The following TMEM243 variants were observed in gnomAD, a reference collection of about 807,000 sequenced individuals.
The protein encoded by TMEM243 is MDR1 and mitochondrial taxol resistance associated.
In TMEM243, 20 loss-of-function variants were observed where a neutral mutation model predicts 15.0. That is an observed-to-expected ratio of 1.33 (90% CI 0.94 to 1.93). The LOEUF (loss-of-function observed/expected upper bound fraction) is 1.93, where lower values mean the gene tolerates loss of function less well. Among genes scored for constraint, TMEM243 ranks in the 30% most tolerant of loss-of-function variants. The probability of loss-of-function intolerance (pLI) is 0.00; values close to 1 mark genes in which losing one functional copy is unlikely to be tolerated. For missense variants in TMEM243, 156 were observed against 142.1 expected (o/e 1.10, Z -0.50); for synonymous variants, 72 against 52.7 (o/e 1.37, Z -1.59).
At chr7:87,198,121 CAG>C (rs1801496974) in intron 2 of TMEM243, 76 bp from the exon 3 acceptor site, 3 of 1,231,674 alleles carry the variant, frequency 2.4e-6, no homozygotes. Flanking sequence ...GTCTAGGCAA[CAG>C]TACTACAAAA....
chr7:87,220,055 C>T (rs1457960422), upstream of TMEM243, among the ~76,000 whole-genome samples: 2 of 152,240 alleles, frequency 1.3e-5, no homozygotes. Flanking sequence ...CTCGCCTAGC[C>T]TTCTGCGTCT....
At chr7:87,214,283 C>T (rs1802956420) in intron 1 of TMEM243, among the ~76,000 whole-genome samples, 1 of 152,202 alleles carries the variant, frequency 6.6e-6, no homozygotes, top group African/African-American at 2.4e-5. Context: ...TAATTTAGTG[C>T]TCTTCTAACA....
intron 3 of TMEM243, among the ~76,000 whole-genome samples, chr7:87,197,394 GCCA>G (rs1193731853): frequency 2.0e-5 from 3 of 152,034 alleles, no homozygotes; most frequent in African/African-American, 7.2e-5. Flanking sequence ...ACACTGAGGA[GCCA>G]CCACCATCTT....
At chr7:87,204,652 G>A (rs538510494) in intron 1 of TMEM243, among the ~76,000 whole-genome samples, 85 of 152,360 alleles carry the variant, frequency 5.6e-4, no homozygotes, top group African/African-American at 2.0e-3. Context: ...TGATGCAAGA[G>A]GTAGGTTCCC....
At chr7:87,207,324 G>A (rs1425573384) in intron 1 of TMEM243, among the ~76,000 whole-genome samples, 1 of 4,298 alleles carries the variant, frequency 2.3e-4, no homozygotes, top group Non-Finnish European at 8.5e-4. Context: ...GGCCGGGCGC[G>A]GTGGCTCACG....
intron 1 of TMEM243, among the ~76,000 whole-genome samples, chr7:87,209,630 T>TAGTG (rs375882833): frequency 4.6e-3 from 231 of 49,828 alleles, no homozygotes; most frequent in African/African-American, 0.019. Context: ...GAGACTGAGA[T>TAGTG]AGAGAGCGAG....
At chr7:87,209,883 C>T (rs1247489569) in intron 1 of TMEM243, among the ~76,000 whole-genome samples, 2 of 121,920 alleles carry the variant, frequency 1.6e-5, no homozygotes, top group East Asian at 2.6e-4. Flanking sequence ...ACAGTGAGAG[C>T]GTGAGAGACA....
Position 87,219,576 on chromosome 7 carries a change from G to T in TMEM243, c.-73C>A. 2.2e-6 allele frequency: 3 copies of T among 1,367,216 alleles called. No homozygotes were observed. Among genetic ancestry groups the T allele is most frequent in the South Asian group, 1.2e-5 (1 of 83,910 alleles). 84.7% of individuals were successfully genotyped at this position (1,367,216 alleles called of 1,614,324 possible). ...TGACCTCCCGAGGTCTCAGGTCCAC[G>T]ACTGCAAGCCTCCTCCTCACGGCTC... On this transcript the variant is annotated 5_prime_UTR_variant, in exon 1 of 4. Coordinates refer to ENST00000257637, the MANE Select transcript of TMEM243 (RefSeq NM_024315.4).
In TMEM243 at chr7:87,196,858, A is replaced by G. The variant is rs1484696038; in HGVS notation, c.235-100T>C. 4 of 797,904 alleles carry G rather than the reference A, an allele frequency of 5.0e-6. No individual in the cohort carries two copies. The African/African-American group carries it at 5.3e-5, about 11-fold the overall frequency. 49.4% of individuals were successfully genotyped at this position (797,904 alleles called of 1,614,324 possible). On this transcript the variant is annotated intron_variant, in intron 3 of 3. Coordinates refer to ENST00000257637, the MANE Select transcript of TMEM243 (RefSeq NM_024315.4). ...GTATTTGTTTATTCCCCTAAATGAG[A>G]CAGACATTCTCCATATTCTGAGGTC...
intron 1 of TMEM243, chr7:87,199,435 C>T (rs921759686): frequency 8.1e-5 from 15 of 185,378 alleles, no homozygotes; most frequent in South Asian, 1.7e-4. Context: ...TATCAGGAAC[C>T]GGACTAGATG....
intron 3 of TMEM243, chr7:87,197,713 TTTTAA>T (rs1801428674): frequency 3.2e-4 from 203 of 625,574 alleles, no homozygotes; most frequent in Admixed American, 3.5e-4. Flanking sequence ...TTTTTTTTTT[TTTTAA>T]GCTATCAAGG....
intron 2 of TMEM243, 65 bp downstream of exon 2, chr7:87,198,942 C>A (rs1801584359): frequency 2.2e-6 from 3 of 1,394,480 alleles, no homozygotes; most frequent in Non-Finnish European, 2.9e-6. Flanking sequence ...GAAAGTTAAC[C>A]ATAATTGATA....
At chr7:87,209,752 G>GTGAGAGCGAGACACAC (rs1802565478) in intron 1 of TMEM243, among the ~76,000 whole-genome samples, 2 of 85,292 alleles carry the variant, frequency 2.3e-5, no homozygotes, top group Non-Finnish European at 5.5e-5. Flanking sequence ...GCGAGACACA[G>GTGAGAGCGAGACACAC]AGCGAGACAG....
chr7:87,219,364 C>T (rs1803329473), intron 1 of TMEM243, 62 bp downstream of exon 1: 2 of 1,548,028 alleles, frequency 1.3e-6, no homozygotes, highest in Non-Finnish European at 1.8e-6. Context: ...GCCCGGACTC[C>T]GCCAGAGGGC....
rs1357541401 is a variant in TMEM243, at chr7:87,199,013, C to T, written c.123G>A (p.Leu41=). The T allele has an allele frequency of 6.2e-7, 1 of 1,601,516 alleles. No individual in the cohort carries two copies. The highest frequency in any genetic ancestry group is 1.8e-5 in the Admixed American group (1 of 56,906). Residue 41 remains leucine, a synonymous_variant, in exon 2 of 4, where the codon TTG becomes TTA. Coordinates refer to ENST00000257637, the MANE Select transcript of TMEM243 (RefSeq NM_024315.4). ...NLVVGSLTSL[L]ILVTLISAFV... ...ACAAAATGAGGATACTTACTAGAAT[C>T]AATAAGGATGTTAAGCTGCCAACAA...
intron 1 of TMEM243, among the ~76,000 whole-genome samples, chr7:87,217,361 C>A (rs943905853): frequency 4.6e-5 from 7 of 152,198 alleles, no homozygotes; most frequent in Admixed American, 4.6e-4. Flanking sequence ...TCCCCAGGAT[C>A]CTGCTCTAGC....
intron 1 of TMEM243, among the ~76,000 whole-genome samples, chr7:87,208,546 CA>C (rs1802390428): frequency 6.6e-6 from 1 of 152,218 alleles, no homozygotes; most frequent in African/African-American, 2.4e-5. Flanking sequence ...AACCTCCAAC[CA>C]CTTCTAGATA....
At chr7:87,217,432 C>T (rs1234473908) in intron 1 of TMEM243, among the ~76,000 whole-genome samples, 1 of 152,224 alleles carries the variant, frequency 6.6e-6, no homozygotes, top group African/African-American at 2.4e-5. Flanking sequence ...ACTATTGAGG[C>T]TCCATTCCTG....
In TMEM243 at chr7:87,197,108, C is replaced by T. The variant is rs541942584; in HGVS notation, c.235-350G>A. 7.9e-5 allele frequency among the ~76,000 whole-genome samples: 12 copies of T among 152,136 alleles called. No individual in the cohort carries two copies. In the East Asian group the frequency reaches 1.7e-3, roughly 22 times the overall value. ...CATGATTCATACAGTTGGTTCAGAC[C>T]GTAAAATAGGGCTTCCATAATATAT... On this transcript the variant is annotated intron_variant, in intron 3 of 3. Transcript: ENST00000257637.
Sources: gnomAD v4.1 joint callset for allele counts (sites outside exome capture counted in the v4.1 genomes callset) on GRCh38, gnomAD v4.1.1 for gene constraint, MANE v1.5 for transcripts, NCBI Gene and HGNC (gene_info 2026-07-23, HGNC 2026-07-21) for gene names.